ADGRB2: variants seen among roughly 807,000 people sequenced by gnomAD.
ADGRB2 encodes the protein brain-specific angiogenesis inhibitor 2.
Under a neutral mutation model 178.7 loss-of-function variants are expected in ADGRB2, and 47 were observed. The ratio of observed to expected loss-of-function variants is 0.26; its 90% CI spans 0.21 to 0.34. ADGRB2 has a LOEUF of 0.34. ADGRB2 is among the 10% of genes least tolerant of loss of function. The pLI is 1.00. For missense variants in ADGRB2, 1,584 were observed against 2,180.8 expected, an observed-to-expected ratio of 0.73 and a Z score of 5.45; for synonymous variants, 870 against 912.4, an observed-to-expected ratio of 0.95 and a Z score of 0.84.
chr1:31,727,624 G>A lies in ADGRB2; in HGVS notation c.4573-19C>T. ...GCTTATCCTGTGGAGGGAGCGGGAG[G>A]GGCCGTGGAGATGGGCCAATATCCT... On this transcript the variant is annotated intron_variant, in intron 32 of 32. Coordinates refer to ENST00000373658, the MANE Select transcript of ADGRB2 (RefSeq NM_001364857.2). This position sits in a 1 kb window ranked among gnomAD's most constrained non-coding sequence, Gnocchi z 4.4. The A allele has an allele frequency of 6.7e-7, 1 of 1,487,546 alleles. No individual in the cohort carries two copies. The highest frequency in any genetic ancestry group is 8.9e-7 in the Non-Finnish European group (1 of 1,124,776). The allele number at this position is 1,487,546 out of a possible 1,614,324, so 92.1% of individuals were successfully genotyped here.
In ADGRB2 at chr1:31,756,494, C is replaced by T. The variant is rs1398217020; in HGVS notation, c.343G>A (p.Glu115Lys). Reference sequence around the variant, plus strand: ...GACTCCGCCTGGGCCACCGCCTCCTCGGGGCTAGGCCGCAGGCAGGTAAAG... The same window carrying T: ...GACTCCGCCTGGGCCACCGCCTCCTTGGGGCTAGGCCGCAGGCAGGTAAAG... ...VNFTCLRPSP[E>K]EAVAQAESEV... Residue 115 changes from glutamate (E) to lysine (K), a missense_variant, in exon 4 of 33, where the codon GAG becomes AAG. This residue lies in a region of ADGRB2 where 657 missense variants were observed against 847.6 expected (regional missense o/e 0.78). Coordinates refer to ENST00000373658, the MANE Select transcript of ADGRB2 (RefSeq NM_001364857.2). This position sits in a 1 kb window ranked among gnomAD's most constrained non-coding sequence, Gnocchi z 8.5. The T allele has an allele frequency of 3.1e-6, 5 of 1,612,212 alleles. No individual in the cohort carries two copies. The highest frequency in any genetic ancestry group is 1.3e-5 in the African/African-American group (1 of 74,916).
Position 31,756,094 on chromosome 1 carries a change from G to A in ADGRB2, c.743C>T (p.Ser248Phe), listed in dbSNP as rs372105512. Residue 248 changes from serine to phenylalanine, a missense_variant, in exon 4 of 33, where the codon TCC (serine) becomes TTC (phenylalanine). Physicochemically the swap from Ser to Phe is radical, Grantham distance 155 (BLOSUM62 -2). Transcript: ENST00000373658. The surrounding 1 kb of genome is among the most constrained non-coding windows in gnomAD (Gnocchi z 8.5). The stretch of plus-strand genomic sequence containing the variant: ...TGGGCCCCCGGGCACCAGGGCATTG[G>A]ACAGGGTGTGGGCAGCAGGAGGGCC... ...SPGPPAAHTL[S>F]NALVPGGPAP... is the part of the protein sequence containing the mutation. The A allele has an allele frequency of 8.1e-6, 13 of 1,613,888 alleles. No individual in the cohort carries two copies. In the South Asian group the frequency reaches 1.3e-4, roughly 16 times the overall value.
At chr1:31,750,243 T>A (rs1236517656) in intron 4 of ADGRB2, among the ~76,000 whole-genome samples, 1 of 152,208 alleles carries the variant, frequency 6.6e-6, no homozygotes, top group African/African-American at 2.4e-5. Flanking sequence ...CCTGTGAGGA[T>A]CTTGGGCTCA....
chr1:31,756,194 C>T lies in ADGRB2; in HGVS notation c.643G>A (p.Ala215Thr), dbSNP rs1339774319. The T allele has an allele frequency of 1.9e-6, 3 of 1,613,360 alleles. No individual in the cohort carries two copies. Among genetic ancestry groups the T allele is most frequent in the African/African-American group, 2.7e-5 (2 of 74,948 alleles). The change falls in exon 4 of 33, where the codon GCC (alanine) becomes ACC (threonine). Residue 215 changes from alanine to threonine, a missense_variant. Ala to Thr is a moderately conservative substitution (Grantham distance 58). This residue lies in a region of ADGRB2 where 657 missense variants were observed against 847.6 expected (regional missense o/e 0.78). Coordinates refer to ENST00000373658, the MANE Select transcript of ADGRB2 (RefSeq NM_001364857.2). The surrounding 1 kb of genome is among the most constrained non-coding windows in gnomAD (Gnocchi z 8.5). ...CAGCCTGGCTGAGCAAAGCCGCAGG[C>T]CCTGCCGGCAGCGCGGCCACACTCC... ...SEECGRAAGRACGFAQPGCSC... is the reference protein window; with the variant it reads ...SEECGRAAGRTCGFAQPGCSC...
Position 31,764,080 on chromosome 1 carries a change from G to T in ADGRB2, c.-387C>A. 2 of 345,462 alleles carry T rather than the reference G, an allele frequency of 5.8e-6. No individual in the cohort carries two copies. Among genetic ancestry groups the T allele is most frequent in the Non-Finnish European group, 4.0e-6 (1 of 250,982 alleles). The allele number at this position is 345,462 out of a possible 1,614,324, so 21.4% of individuals were successfully genotyped here. On this transcript the variant is annotated 5_prime_UTR_variant, in exon 1 of 33. Transcript: ENST00000373658. The surrounding 1 kb of genome is among the most constrained non-coding windows in gnomAD (Gnocchi z 7.3). ...CGGAGCAGCGCGGGGCGGGCGGGCG[G>T]GCGGCGCCGGGCCGGGCGCGGGCTC...
At position 31,755,939 on chromosome 1, in the gene ADGRB2, C is replaced by A; in HGVS notation, c.838+60G>T. On this transcript the variant is annotated intron_variant, in intron 4 of 32. Coordinates refer to ENST00000373658, the MANE Select transcript of ADGRB2 (RefSeq NM_001364857.2). The surrounding 1 kb of genome is among the most constrained non-coding windows in gnomAD (Gnocchi z 5.1). The stretch of plus-strand genomic sequence containing the variant: ...ATGGCCGAGGATCTGCCAGGATGGA[C>A]ACCAGGGACACTGTCAGCCCCTGCA... 1 of 1,547,070 alleles carries A rather than the reference C, an allele frequency of 6.5e-7. No individual in the cohort carries two copies. The highest frequency in any genetic ancestry group is 1.2e-5 in the South Asian group (1 of 80,776).
At position 31,731,291 on chromosome 1, in the gene ADGRB2, G is replaced by A. The variant is rs1645269884; in HGVS notation, c.3889C>T (p.Pro1297Ser). 2 of 1,612,044 alleles carry A rather than the reference G, an allele frequency of 1.2e-6. No homozygotes were observed. Among genetic ancestry groups the A allele is most frequent in the South Asian group, 2.2e-5 (2 of 90,744 alleles). ...GGCACCAGGATATTCCCAGGCAGTG[G>A]TGAGAAGCTGAGGCTGCCCTCAGGG... The part of the protein sequence containing the change: ...VGPEGSLSFS[P>S]LPGNILVPMA... The change falls in exon 29 of 33, where the codon CCA (proline) becomes TCA (serine). Residue 1297 changes from proline to serine, a missense_variant. By Grantham distance (74) the Pro-to-Ser change is moderately conservative. Coordinates refer to ENST00000373658, the MANE Select transcript of ADGRB2 (RefSeq NM_001364857.2).
Position 31,741,427 on chromosome 1 carries a change from C to A in ADGRB2, c.1740G>T (p.Gly580=). The A allele has an allele frequency of 6.2e-7, 1 of 1,606,368 alleles. No individual in the cohort carries two copies. The highest frequency in any genetic ancestry group is 8.5e-7 in the Non-Finnish European group (1 of 1,176,692). Residue 580 remains glycine, a synonymous_variant, in exon 11 of 33, where the codon GGG becomes GGT. Coordinates refer to ENST00000373658, the MANE Select transcript of ADGRB2 (RefSeq NM_001364857.2). This position sits in a 1 kb window ranked among gnomAD's most constrained non-coding sequence, Gnocchi z 6.5. ...LLSAQGVAYW[G]LPSFARCISH... is the part of the protein sequence containing the mutation. ...AGATGCAGCGAGCAAAGCTGGGCAG[C>A]CCCCAGTACGCCACGCCTTGGGCAC...
intron 3 of ADGRB2, 124 bp downstream of exon 3, chr1:31,757,077 G>A: frequency 6.6e-7 from 1 of 1,510,654 alleles, no homozygotes; most frequent in Non-Finnish European, 9.2e-7. Context: ...ACTCGCGAGA[G>A]TGCCTGGAAT....
intron 26 of ADGRB2, 61 bp downstream of exon 26, chr1:31,732,911 G>T: frequency 6.6e-7 from 1 of 1,517,992 alleles, no homozygotes; most frequent in South Asian, 1.3e-5. Context: ...GCACAGTGAG[G>T]AGAAGCCAAG....
chr1:31,750,393 C>T (rs1009248593), intron 4 of ADGRB2, among the ~76,000 whole-genome samples: 2 of 152,208 alleles, frequency 1.3e-5, no homozygotes, highest in African/African-American at 2.4e-5. Context: ...CACAGAGAGG[C>T]CCCTCTTGCT....
At position 31,735,519 on chromosome 1, in the gene ADGRB2, C is replaced by A; in HGVS notation, c.3353+61G>T. On this transcript the variant is annotated intron_variant, in intron 24 of 32. Transcript: ENST00000373658. The surrounding 1 kb of genome is among the most constrained non-coding windows in gnomAD (Gnocchi z 6.0). ...CGAGCCCTGAGTCTCCAAGAGCACC[C>A]ATGTCCCTCCCTCCCTGCACCATTT... is the stretch of plus-strand genomic sequence containing the variant. 2 of 1,571,682 alleles carry A rather than the reference C, an allele frequency of 1.3e-6. No individual in the cohort carries two copies. Among genetic ancestry groups the A allele is most frequent in the Non-Finnish European group, 1.7e-6 (2 of 1,145,302 alleles).
Position 31,727,592 on chromosome 1 carries a change from G to T in ADGRB2, c.4586C>A (p.Pro1529His). The change falls in exon 33 of 33, where the codon CCT becomes CAT. Residue 1529 changes from proline (P) to histidine (H), a missense_variant. By Grantham distance (77) the Pro-to-His change is moderately conservative. This residue lies in a region of ADGRB2 where 865 missense variants were observed against 1,192.8 expected (regional missense o/e 0.73). Transcript: ENST00000373658. The surrounding 1 kb of genome is among the most constrained non-coding windows in gnomAD (Gnocchi z 4.4). ...ERSVCTDKPS[P>H]GERPSLSQHR... ...TTGGGACAAGCTGGGGCGCTCCCCA[G>T]GGCTGGGCTTATCCTGTGGAGGGAG... The T allele has an allele frequency of 6.5e-7, 1 of 1,545,820 alleles. No homozygotes were observed.
chr1:31,734,381 C>T (rs1165931976), intron 25 of ADGRB2, among the ~76,000 whole-genome samples: 9 of 152,194 alleles, frequency 5.9e-5, no homozygotes, highest in East Asian at 1.9e-4. Context: ...ACAGCTTGAC[C>T]GACTCCAAAG....
In ADGRB2 at chr1:31,738,944, G is replaced by A; in HGVS notation, c.2496-7C>T. ...TGTGACGGCCAGCGGGGGCCTGCGGGACAGGTACCGAAGTCAGCTCCTGCC... is the reference window on the plus strand; with the variant it reads ...TGTGACGGCCAGCGGGGGCCTGCGGAACAGGTACCGAAGTCAGCTCCTGCC... On this transcript the variant is annotated splice_polypyrimidine_tract_variant and splice_region_variant and intron_variant, in intron 15 of 32. Coordinates refer to ENST00000373658, the MANE Select transcript of ADGRB2 (RefSeq NM_001364857.2). 8.1e-6 allele frequency: 13 copies of A among 1,601,948 alleles called. No homozygotes were observed. The highest frequency in any genetic ancestry group is 1.1e-5 in the Non-Finnish European group (13 of 1,171,938).
chr1:31,732,273 G>A, intron 27 of ADGRB2, 119 bp from the exon 28 acceptor site: 3 of 1,425,108 alleles, frequency 2.1e-6, no homozygotes, highest in Admixed American at 3.5e-5. Flanking sequence ...GGCTGCCCAT[G>A]GCCCATAGCC....
chr1:31,749,939 A>G (rs912998651), intron 4 of ADGRB2, among the ~76,000 whole-genome samples: 163 of 151,390 alleles, frequency 1.1e-3, no homozygotes, highest in African/African-American at 3.3e-3. Context: ...GAGAGAGAGA[A>G]AGAAAGAAAG....
At chr1:31,734,520 C>T (rs534587478) in intron 25 of ADGRB2, among the ~76,000 whole-genome samples, 1 of 152,340 alleles carries the variant, frequency 6.6e-6, no homozygotes, top group East Asian at 1.9e-4. Context: ...TGCAGGTGTG[C>T]AAGATAAAGC....
intron 4 of ADGRB2, among the ~76,000 whole-genome samples, chr1:31,745,661 T>C (rs1646235026): frequency 6.6e-6 from 1 of 152,184 alleles, no homozygotes; most frequent in Non-Finnish European, 1.5e-5. Context: ...GAAGAGCCTT[T>C]GAGGATGGGC....
Sources: gnomAD v4.1 joint callset for allele counts (sites outside exome capture counted in the v4.1 genomes callset) on GRCh38, gnomAD v4.1.1 for gene constraint, gnomAD v4.1.1 regional missense constraint, Gnocchi (gnomAD v3.1) non-coding constraint, MANE v1.5 for transcripts, NCBI Gene and HGNC (gene_info 2026-07-23, HGNC 2026-07-21) for gene names.